MAST4: variants seen among roughly 807,000 people sequenced by gnomAD.
MAST4 encodes the protein microtubule associated serine/threonine kinase family member 4.
In MAST4, 89 loss-of-function variants were observed where a neutral mutation model predicts 162.7. The ratio of observed to expected loss-of-function variants is 0.55; its 90% CI spans 0.46 to 0.65. The LOEUF is 0.65. Among genes scored for constraint, MAST4 ranks in the 30% least tolerant of loss-of-function variants. MAST4 has a pLI of 0.00. For synonymous variants in MAST4, 1,479 were observed against 1,361.1 expected, an observed-to-expected ratio of 1.09 and a Z score of -1.91; for missense variants, 3,153 against 3,374.0, an observed-to-expected ratio of 0.93 and a Z score of 1.62.
At chr5:67,094,322 G>A (rs2150815167) in intron 6 of MAST4, among the ~76,000 whole-genome samples, 1 of 152,208 alleles carries the variant, frequency 6.6e-6, no homozygotes, top group East Asian at 1.9e-4. Flanking sequence ...AGGCTAAAAT[G>A]TCAGTTTTTT....
chr5:66,861,024 T>TA (rs944063334), intron 3 of MAST4, among the ~76,000 whole-genome samples: 1 of 152,174 alleles, frequency 6.6e-6, no homozygotes, highest in African/African-American at 2.4e-5. Flanking sequence ...AGTCTGGAGT[T>TA]ACTGCTCAGT....
At chr5:66,724,723 CAT>C (rs1751412336) in intron 1 of MAST4, among the ~76,000 whole-genome samples, 1 of 152,010 alleles carries the variant, frequency 6.6e-6, no homozygotes, top group South Asian at 2.1e-4. Context: ...GTAACACAAT[CAT>C]AAGTATTTTT....
rs935791527 is a variant in MAST4 at position 67,045,849 on chromosome 5, T to C, written c.675-8555T>C. On this transcript the variant is annotated intron_variant, in intron 4 of 28. Transcript: ENST00000403625. ...AATTGTGTATACATTGTTATTTCTGTCATAAATTCCAGGAACTTGAAGATA... is the reference window on the plus strand; with the variant it reads ...AATTGTGTATACATTGTTATTTCTGCCATAAATTCCAGGAACTTGAAGATA... Among the ~76,000 whole-genome samples the C allele has an allele frequency of 3.3e-5, 5 of 152,320 alleles. No homozygotes were observed. The East Asian group carries it at 9.6e-4, about 29-fold the overall frequency.
At chr5:66,994,112 C>T (rs1215376697) in intron 4 of MAST4, among the ~76,000 whole-genome samples, 1 of 152,014 alleles carries the variant, frequency 6.6e-6, no homozygotes, top group Non-Finnish European at 1.5e-5. Context: ...AATGGTTTCA[C>T]ATTGACAGTG....
intron 26 of MAST4, among the ~76,000 whole-genome samples, chr5:67,159,631 T>C (rs1476333408): frequency 6.6e-6 from 1 of 152,192 alleles, no homozygotes; most frequent in Non-Finnish European, 1.5e-5. Context: ...CCCCTGGTTA[T>C]TATGAAATTC....
Position 67,133,596 on chromosome 5 carries a change from C to T in MAST4, c.2176C>T (p.Leu726Phe). Reference sequence around the variant, plus strand: ...GGGACTAATGAGCATGACTACCAACCTTTACGAGGGTCATATTGAGAAGGA... The same window carrying T: ...GGGACTAATGAGCATGACTACCAACTTTTACGAGGGTCATATTGAGAAGGA... The part of the protein sequence containing the change: ...KVGLMSMTTN[L>F]YEGHIEKDAR... The change falls in exon 17 of 29, where the codon CTT becomes TTT. Residue 726 changes from leucine to phenylalanine, a missense_variant. This residue lies in a region of MAST4 where 131 missense variants were observed against 253.8 expected (regional missense o/e 0.52). Coordinates refer to ENST00000403625, the MANE Select transcript of MAST4 (RefSeq NM_001164664.2). 6.2e-7 allele frequency: 1 copy of T among 1,613,408 alleles called. No individual in the cohort carries two copies.
intron 1 of MAST4, among the ~76,000 whole-genome samples, chr5:66,612,837 C>A (rs1337939144): frequency 6.6e-6 from 1 of 152,156 alleles, no homozygotes; most frequent in Non-Finnish European, 1.5e-5. Context: ...TAAATAGTTA[C>A]AGTCTTAAAG....
At chr5:66,869,109 A>G (rs775370947) in intron 3 of MAST4, among the ~76,000 whole-genome samples, 7 of 152,180 alleles carry the variant, frequency 4.6e-5, no homozygotes, top group Non-Finnish European at 8.8e-5. Context: ...AATCAGTTGT[A>G]ATCATTCCAT....
intron 1 of MAST4, among the ~76,000 whole-genome samples, chr5:66,724,916 G>C (rs976002386): frequency 2.0e-4 from 31 of 151,956 alleles, no homozygotes; most frequent in Non-Finnish European, 4.6e-4. Flanking sequence ...TGGCTTCAAA[G>C]ATTAGGCTCC....
chr5:67,022,562 T>G (rs1005165530), intron 4 of MAST4, among the ~76,000 whole-genome samples: 2 of 152,178 alleles, frequency 1.3e-5, no homozygotes, highest in African/African-American at 4.8e-5. Flanking sequence ...GGCAAGGTAC[T>G]GGATAAAAGA....
chr5:67,128,800 C>A (rs889176541), intron 14 of MAST4, among the ~76,000 whole-genome samples: 1 of 152,064 alleles, frequency 6.6e-6, no homozygotes, highest in Admixed American at 6.6e-5. Flanking sequence ...TCACATACCC[C>A]CTGTTTTATA....
intron 3 of MAST4, among the ~76,000 whole-genome samples, chr5:66,807,839 T>G (rs1756276539): frequency 6.6e-6 from 1 of 152,220 alleles, no homozygotes; most frequent in African/African-American, 2.4e-5. Context: ...CGTCTTCCAC[T>G]TCCACTCCCA....
At chr5:67,093,836 T>A (rs544873460) in intron 6 of MAST4, among the ~76,000 whole-genome samples, 1 of 152,190 alleles carries the variant, frequency 6.6e-6, no homozygotes, top group Non-Finnish European at 1.5e-5. Flanking sequence ...ACTGAATAAT[T>A]CTTTTAAAAT....
intron 5 of MAST4, among the ~76,000 whole-genome samples, chr5:67,089,407 C>A (rs1415865356): frequency 6.6e-6 from 1 of 152,162 alleles, no homozygotes; most frequent in African/African-American, 2.4e-5. Context: ...GCAATCACTG[C>A]CCCACACCAC....
chr5:66,983,525 G>A (rs1310868299), intron 4 of MAST4, among the ~76,000 whole-genome samples: 1 of 152,154 alleles, frequency 6.6e-6, no homozygotes. Context: ...GGGGCTATTT[G>A]TGTAGTATCT....
intron 3 of MAST4, among the ~76,000 whole-genome samples, chr5:66,889,987 T>A (rs1468726690): frequency 6.6e-6 from 1 of 152,240 alleles, no homozygotes; most frequent in Non-Finnish European, 1.5e-5. Flanking sequence ...TAAGGATTGT[T>A]TTAAGCTATG....
At chr5:66,735,180 T>C (rs2149561952) in intron 1 of MAST4, among the ~76,000 whole-genome samples, 1 of 152,358 alleles carries the variant, frequency 6.6e-6, no homozygotes, top group East Asian at 1.9e-4. Context: ...CCCCAAATTA[T>C]TTAAACCATT....
intron 4 of MAST4, among the ~76,000 whole-genome samples, chr5:67,012,371 A>T (rs964080866): frequency 6.6e-6 from 1 of 152,162 alleles, no homozygotes; most frequent in Admixed American, 6.5e-5. Context: ...TCTCACACAG[A>T]TGGAAACTGG....
At chr5:66,622,099 A>T (rs1744113044) in intron 1 of MAST4, among the ~76,000 whole-genome samples, 1 of 152,166 alleles carries the variant, frequency 6.6e-6, no homozygotes, top group African/African-American at 2.4e-5. Flanking sequence ...AGGAGAAAAA[A>T]AAAATGGAAT....
Sources: allele counts gnomAD v4.1 joint callset (sites outside exome capture counted in the v4.1 genomes callset), GRCh38; gene constraint gnomAD v4.1.1; regional missense constraint gnomAD v4.1.1; transcripts MANE v1.5; gene names NCBI Gene and HGNC (gene_info 2026-07-23, HGNC 2026-07-21).